Variants in RIMS2 observed in about 807,000 individuals in gnomAD.
The protein encoded by RIMS2 is regulating synaptic membrane exocytosis 2.
RIMS2 carries 59 observed loss-of-function variants against 174.4 expected under a neutral mutation model. The observed-to-expected ratio is 0.34, with a 90% CI of 0.27 to 0.42. The LOEUF is 0.42. Among genes scored for constraint, RIMS2 ranks in the 10% least tolerant of loss-of-function variants. The probability of loss-of-function intolerance (pLI) is 1.00; values close to 1 mark genes in which losing one functional copy is unlikely to be tolerated. For missense variants in RIMS2, 1,620 were observed against 1,666.3 expected (o/e 0.97, Z 0.48); for synonymous variants, 606 against 572.5 (o/e 1.06, Z -0.84).
At position 104,175,326 on chromosome 8, in the gene RIMS2, T is replaced by C. The variant is rs149831762; in HGVS notation, c.3335-69590T>C. Reference sequence around the variant, plus strand: ...AAATTTTTTTGTGTATATATTTTTATTGTAGGTGTATATATTTGTGGGGTA... The same window carrying C: ...AAATTTTTTTGTGTATATATTTTTACTGTAGGTGTATATATTTGTGGGGTA... On this transcript the variant is annotated intron_variant, in intron 19 of 23. Coordinates refer to ENST00000504942, the Ensembl canonical transcript of RIMS2. Among the ~76,000 whole-genome samples the C allele has an allele frequency of 3.3e-3, 499 of 152,250 alleles. 2 individuals are homozygous for C. The highest frequency in any genetic ancestry group is 0.011 in the African/African-American group (454 of 41,558).
intron 19 of RIMS2, among the ~76,000 whole-genome samples, chr8:104,182,715 T>G (rs1473415209): frequency 6.6e-6 from 1 of 151,806 alleles, no homozygotes; most frequent in Non-Finnish European, 1.5e-5. Flanking sequence ...ACATTTCAAG[T>G]GCTCAGTTGC....
At chr8:103,679,160 A>G (rs571988447) in intron 1 of RIMS2, among the ~76,000 whole-genome samples, 1 of 152,034 alleles carries the variant, frequency 6.6e-6, no homozygotes, top group East Asian at 1.9e-4. Context: ...CCAGAACACT[A>G]TATATCCTGA....
intron 19 of RIMS2, among the ~76,000 whole-genome samples, chr8:104,105,201 C>T (rs769263915): frequency 3.3e-5 from 5 of 151,870 alleles, no homozygotes; most frequent in African/African-American, 9.7e-5. Context: ...GGTTGGGTGT[C>T]GGGAGGGGCA....
chr8:104,214,132 A>T (rs923906844), intron 19 of RIMS2, among the ~76,000 whole-genome samples: 1 of 152,282 alleles, frequency 6.6e-6, no homozygotes, highest in Admixed American at 6.5e-5. Context: ...GTTATAAAGC[A>T]GTGGTCAAGG....
At chr8:103,509,305 A>G (rs1380693253) in intron 1 of RIMS2, among the ~76,000 whole-genome samples, 2 of 152,080 alleles carry the variant, frequency 1.3e-5, no homozygotes, top group Non-Finnish European at 2.9e-5. Context: ...CAGGACTATC[A>G]TCCTTTTACT....
At chr8:103,574,015 G>C (rs2093026297) in intron 1 of RIMS2, among the ~76,000 whole-genome samples, 1 of 150,532 alleles carries the variant, frequency 6.6e-6, no homozygotes, top group South Asian at 2.1e-4. Context: ...GTATTTATTT[G>C]TTTCAGGTTT....
At chr8:103,871,518 T>C (rs2099111664) in intron 3 of RIMS2, among the ~76,000 whole-genome samples, 1 of 152,166 alleles carries the variant, frequency 6.6e-6, no homozygotes, top group South Asian at 2.1e-4. Flanking sequence ...GTAACTACTT[T>C]CAGATTTTTT....
At chr8:103,518,501 A>G (rs1353108549) in intron 1 of RIMS2, among the ~76,000 whole-genome samples, 3 of 152,066 alleles carry the variant, frequency 2.0e-5, no homozygotes, top group Non-Finnish European at 4.4e-5. Flanking sequence ...GTCATATGGA[A>G]AGCAGGTATC....
At chr8:103,588,424 G>C (rs573739023) in intron 1 of RIMS2, among the ~76,000 whole-genome samples, 1 of 151,914 alleles carries the variant, frequency 6.6e-6, no homozygotes, top group South Asian at 2.1e-4. Flanking sequence ...AATTTATATG[G>C]AACCATAAAA....
At chr8:103,976,741 T>C (rs2093477067) in intron 16 of RIMS2, 1 of 152,046 alleles carries the variant, frequency 6.6e-6, no homozygotes, top group African/African-American at 2.4e-5. Flanking sequence ...AGAGACGGGG[T>C]TTCACCATGT....
intron 14 of RIMS2, among the ~76,000 whole-genome samples, chr8:103,960,192 A>G (rs1469293659): frequency 6.6e-6 from 1 of 152,114 alleles, no homozygotes; most frequent in Non-Finnish European, 1.5e-5. Context: ...ACAAATAACA[A>G]CGTTTGTTTT....
chr8:103,604,909 T>C (rs2094972041), intron 1 of RIMS2, among the ~76,000 whole-genome samples: 4 of 64,330 alleles, frequency 6.2e-5, no homozygotes, highest in African/African-American at 2.4e-4. Flanking sequence ...GCTGAGACAA[T>C]GGGGTTTTCT....
At chr8:103,700,955 C>T (rs1274362904) in intron 2 of RIMS2, among the ~76,000 whole-genome samples, 1 of 151,840 alleles carries the variant, frequency 6.6e-6, no homozygotes, top group Admixed American at 6.6e-5. Flanking sequence ...TTTTATAAAC[C>T]CCACAATATA....
At chr8:103,946,479 G>A (rs750830356) in intron 14 of RIMS2, among the ~76,000 whole-genome samples, 5 of 152,020 alleles carry the variant, frequency 3.3e-5, no homozygotes, top group Non-Finnish European at 7.4e-5. Flanking sequence ...GTGAGAGAGC[G>A]AGACTCCATC....
chr8:103,953,063 G>C (rs1040538116), intron 14 of RIMS2, among the ~76,000 whole-genome samples: 7 of 151,786 alleles, frequency 4.6e-5, no homozygotes, highest in African/African-American at 1.7e-4. Flanking sequence ...AGGAAAAAGA[G>C]TGAAAAATGA....
At chr8:104,034,992 C>T (rs985706770) in intron 19 of RIMS2, among the ~76,000 whole-genome samples, 2 of 152,072 alleles carry the variant, frequency 1.3e-5, no homozygotes, top group South Asian at 2.1e-4. Flanking sequence ...ATTAGAAGTT[C>T]TTCAGGCTTA....
rs1041369510 is a variant in RIMS2, at chr8:104,196,275, A to G, written c.3335-48641A>G. On this transcript the variant is annotated intron_variant, in intron 19 of 23. Transcript: ENST00000504942. ...TCTTGTTTTTCCTTTTCAACTTTTTATATCCATTCACTTTTAATCTTTGGT... is the reference window on the plus strand; with the variant it reads ...TCTTGTTTTTCCTTTTCAACTTTTTGTATCCATTCACTTTTAATCTTTGGT... 2.6e-5 allele frequency among the ~76,000 whole-genome samples: 4 copies of G among 152,098 alleles called. No individual in the cohort carries two copies. In the South Asian group the frequency reaches 8.3e-4, roughly 32 times the overall value.
rs141651177 is a variant in RIMS2, at chr8:104,155,158, G to A, written c.3335-89758G>A. On this transcript the variant is annotated intron_variant, in intron 19 of 23. Coordinates refer to ENST00000504942, the Ensembl canonical transcript of RIMS2. Reference sequence around the variant, plus strand: ...GTCTCGCTCTGTCTCCCAGGCTGGGGTGCAGTAGTGCGATCTCACCTCACT... The same window carrying A: ...GTCTCGCTCTGTCTCCCAGGCTGGGATGCAGTAGTGCGATCTCACCTCACT... 8.6e-3 allele frequency among the ~76,000 whole-genome samples: 1,304 copies of A among 152,144 alleles called. 20 individuals carry two copies. Among genetic ancestry groups the A allele is most frequent in the African/African-American group, 0.03 (1,256 of 41,502 alleles).
At chr8:103,808,536 TTC>T (rs1366122523) in intron 3 of RIMS2, among the ~76,000 whole-genome samples, 1 of 152,166 alleles carries the variant, frequency 6.6e-6, no homozygotes, top group Non-Finnish European at 1.5e-5. Flanking sequence ...AATTGCTTAC[TTC>T]TCTGTCTTGT....
Sources: gnomAD v4.1 joint callset for allele counts (sites outside exome capture counted in the v4.1 genomes callset) on GRCh38, gnomAD v4.1.1 for gene constraint, MANE v1.5 for transcripts, NCBI Gene and HGNC (gene_info 2026-07-23, HGNC 2026-07-21) for gene names.